HGSNAT: variants seen among roughly 807,000 people sequenced by gnomAD.
HGSNAT encodes transmembrane protein 76.
Under a neutral mutation model 85.2 loss-of-function variants are expected in HGSNAT, and 59 were observed. The observed-to-expected ratio is 0.69, with a 90% confidence interval of 0.56 to 0.86. The LOEUF is 0.86. HGSNAT is among the 40% of genes least tolerant of loss of function. The pLI is 0.00. For missense variants in HGSNAT, 756 were observed against 777.1 expected (o/e 0.97, Z 0.32); for synonymous variants, 321 against 304.5 (o/e 1.05, Z -0.56).
At chr8:43,187,265 A>C (rs1804349706) in intron 11 of HGSNAT, among the ~76,000 whole-genome samples, 1 of 152,034 alleles carries the variant, frequency 6.6e-6, no homozygotes, top group South Asian at 2.1e-4. Flanking sequence ...CATTATTATC[A>C]TGTGGGAGTG....
Position 43,193,850 on chromosome 8 carries a change from G to A in HGSNAT, c.1464+7G>A. 1 of 1,612,578 alleles carries A rather than the reference G, an allele frequency of 6.2e-7. No individual in the cohort carries two copies. On this transcript the variant is annotated splice_region_variant and intron_variant, in intron 14 of 17. Coordinates refer to ENST00000379644, the MANE Select transcript of HGSNAT (RefSeq NM_152419.3). ...GGCCTTTTTAGGAGTTCAGGTATTT[G>A]TTCATTTCATTAGGTTACTTTTTCT...
chr8:43,159,225 A>T (rs1803192804), intron 4 of HGSNAT, among the ~76,000 whole-genome samples, 181 bp downstream of exon 4: 2 of 152,192 alleles, frequency 1.3e-5, no homozygotes, highest in African/African-American at 4.8e-5. Context: ...ATTTCTACTT[A>T]GTTATGATGT....
At chr8:43,153,554 G>A (rs879874065) in intron 2 of HGSNAT, among the ~76,000 whole-genome samples, 1 of 152,038 alleles carries the variant, frequency 6.6e-6, no homozygotes, top group Non-Finnish European at 1.5e-5. Context: ...CAAAACACTT[G>A]TCATTTCTTT....
intron 4 of HGSNAT, among the ~76,000 whole-genome samples, chr8:43,159,545 A>C (rs1485624872): frequency 6.6e-6 from 1 of 152,152 alleles, no homozygotes; most frequent in Non-Finnish European, 1.5e-5. Flanking sequence ...CCAAGATTGT[A>C]CCACTGCACT....
intron 13 of HGSNAT, among the ~76,000 whole-genome samples, chr8:43,193,096 C>G (rs1169727091): frequency 6.6e-6 from 1 of 152,110 alleles, no homozygotes; most frequent in Middle Eastern, 3.2e-3. Flanking sequence ...CGGAAGGCCC[C>G]CTGCAGAAGG....
chr8:43,167,919 C>A, intron 5 of HGSNAT: 1 of 272,488 alleles, frequency 3.7e-6, no homozygotes. Flanking sequence ...TCTTTTCTTT[C>A]TTTCTTTTTT....
chr8:43,196,389 C>T, intron 14 of HGSNAT: 1 of 1,106,204 alleles, frequency 9.0e-7, no homozygotes, highest in South Asian at 1.3e-5. Context: ...GCCTCCCCCA[C>T]CCTGCCTCTG....
chr8:43,164,560 G>A (rs1044993528), intron 5 of HGSNAT, among the ~76,000 whole-genome samples: 3 of 151,998 alleles, frequency 2.0e-5, no homozygotes, highest in Non-Finnish European at 4.4e-5. Context: ...CAGGTGGATC[G>A]CTTGAACTCA....
intron 10 of HGSNAT, among the ~76,000 whole-genome samples, chr8:43,181,129 GA>G (rs1197180662): frequency 0.042 from 10 of 240 alleles, 1 homozygote; most frequent in Non-Finnish European, 0.055. Context: ...GAGGGAGAGG[GA>G]GAGGGAGAGG....
intron 10 of HGSNAT, among the ~76,000 whole-genome samples, chr8:43,179,504 C>A (rs1425100783): frequency 3.1e-5 from 4 of 127,518 alleles, no homozygotes; most frequent in Admixed American, 7.2e-5. Flanking sequence ...TGACCCCCCC[C>A]ACCTCCCTCC....
chr8:43,199,354 G>T, intron 17 of HGSNAT, 34 bp from the exon 18 acceptor site: 1 of 1,463,288 alleles, frequency 6.8e-7, no homozygotes, highest in South Asian at 1.2e-5. Flanking sequence ...TCATCTGTGA[G>T]AAACATGATC....
At chr8:43,156,978 A>G (rs1586710250) in intron 2 of HGSNAT, among the ~76,000 whole-genome samples, 1 of 152,074 alleles carries the variant, frequency 6.6e-6, no homozygotes, top group Non-Finnish European at 1.5e-5. Context: ...CAACTATTCT[A>G]TGTCAGCAGA....
intron 1 of HGSNAT, among the ~76,000 whole-genome samples, chr8:43,142,577 G>A (rs1802585191): frequency 6.6e-6 from 1 of 152,120 alleles, no homozygotes; most frequent in African/African-American, 2.4e-5. Flanking sequence ...CCCTAGCTGT[G>A]GTCTTCACCC....
intron 2 of HGSNAT, among the ~76,000 whole-genome samples, chr8:43,152,688 C>T (rs1802956287): frequency 6.6e-6 from 1 of 152,032 alleles, no homozygotes; most frequent in South Asian, 2.1e-4. Flanking sequence ...AACTCCTGGC[C>T]TCAAGTGATT....
rs751229126 is a variant in HGSNAT, at chr8:43,196,962, A to C, written c.1479A>C (p.Leu493=). Reference sequence around the variant, plus strand: ...ATCTCCTCCAGGCAGGAAAAATACTATTGTATTACAAGGCTCGGACCAAAG... The same window carrying C: ...ATCTCCTCCAGGCAGGAAAAATACTCTTGTATTACAAGGCTCGGACCAAAG... The part of the protein sequence containing the change: ...AFLGVQAGKI[L]LYYKARTKDI... Residue 493 remains leucine (L), a synonymous_variant, in exon 15 of 18, where the codon CTA becomes CTC. Transcript: ENST00000379644. 1 of 1,607,498 alleles carries C rather than the reference A, an allele frequency of 6.2e-7. No individual in the cohort carries two copies. Among genetic ancestry groups the C allele is most frequent in the African/African-American group, 1.3e-5 (1 of 74,794 alleles).
At position 43,197,674 on chromosome 8, in the gene HGSNAT, G is replaced by A. The variant is rs1440154264; in HGVS notation, c.1545G>A (p.Gly515=). ...IRFTAWCCIL[G]LISVALTKVS... ...CATCCTTCTCTTCCCCATTACAGGG[G>A]CTCATTTCTGTTGCTCTGACGAAGG... Residue 515 remains glycine (G), a splice_region_variant and synonymous_variant, in exon 16 of 18, where the codon GGG becomes GGA. Transcript: ENST00000379644. 1.9e-6 allele frequency: 3 copies of A among 1,610,462 alleles called. No homozygotes were observed. Among genetic ancestry groups the A allele is most frequent in the Non-Finnish European group, 2.5e-6 (3 of 1,176,912 alleles).
Position 43,199,610 on chromosome 8 carries a change from C to T in HGSNAT, c.*41C>T. 1 of 1,427,860 alleles carries T rather than the reference C, an allele frequency of 7.0e-7. No individual in the cohort carries two copies. Among genetic ancestry groups the T allele is most frequent in the Non-Finnish European group, 9.3e-7 (1 of 1,073,680 alleles). 88.4% of individuals were successfully genotyped at this position (1,427,860 alleles called of 1,614,324 possible). ...TGTGCTGCTGGAAGACTCTAGTAGGCCTGCAGGGAGGACTGAAGCAGCCTT... is the reference window on the plus strand; with the variant it reads ...TGTGCTGCTGGAAGACTCTAGTAGGTCTGCAGGGAGGACTGAAGCAGCCTT... On this transcript the variant is annotated 3_prime_UTR_variant, in exon 18 of 18. Transcript: ENST00000379644.
intron 1 of HGSNAT, among the ~76,000 whole-genome samples, chr8:43,143,731 A>G (rs1354643148): frequency 1.3e-5 from 2 of 148,708 alleles, no homozygotes; most frequent in African/African-American, 5.0e-5. Context: ...ATTTTTTAGT[A>G]GAGATGGGGT....
chr8:43,168,476 T>C lies in HGSNAT; in HGVS notation c.564-697T>C, dbSNP rs190078849. On this transcript the variant is annotated intron_variant, in intron 5 of 17. Coordinates refer to ENST00000379644, the MANE Select transcript of HGSNAT (RefSeq NM_152419.3). ...GGCGTGATCTCGGCTCACTGCAACT[T>C]CCCTCCGCCTCCTGGGTTCAAGCAA... Among the ~76,000 whole-genome samples, 189 of 142,314 alleles carry C rather than the reference T, an allele frequency of 1.3e-3. No individual in the cohort carries two copies. In the East Asian group the frequency reaches 0.015, roughly 11 times the overall value. The allele number at this position is 142,314 out of a possible 152,430, so 93.4% of individuals were successfully genotyped here. A position where few individuals can be genotyped will look rare whatever the true frequency, so the allele number is the denominator to read the frequency against.
Sources: gnomAD v4.1 joint callset for allele counts (sites outside exome capture counted in the v4.1 genomes callset) on GRCh38, gnomAD v4.1.1 for gene constraint, MANE v1.5 for transcripts, NCBI Gene and HGNC (gene_info 2026-07-23, HGNC 2026-07-21) for gene names.